The following PRAG1 variants were observed in gnomAD, a reference collection of about 807,000 sequenced individuals.
PRAG1 encodes the protein PEAK1 related, kinase-activating pseudokinase 1.
A neutral mutation model predicts 95.6 loss-of-function variants in PRAG1; 110 were observed. The ratio of observed to expected loss-of-function variants is 1.15; its 90% CI spans 0.99 to 1.35. The LOEUF (loss-of-function observed/expected upper bound fraction) is 1.35, where lower values mean the gene tolerates loss of function less well. Among genes scored for constraint, PRAG1 ranks in the 40% most tolerant of loss-of-function variants. The probability of loss-of-function intolerance (pLI) is 0.00; values close to 1 mark genes in which losing one functional copy is unlikely to be tolerated. For missense variants in PRAG1, 2,554 were observed against 1,864.7 expected, an observed-to-expected ratio of 1.37 and a Z score of -6.81; for synonymous variants, 1,052 against 819.4, an observed-to-expected ratio of 1.28 and a Z score of -4.85.
intron 4 of PRAG1, among the ~76,000 whole-genome samples, chr8:8,335,065 C>T (rs537893693): frequency 3.4e-5 from 5 of 147,878 alleles, no homozygotes; most frequent in African/African-American, 5.0e-5. Flanking sequence ...GACTCTGTCT[C>T]GAAAAAAAAA....
chr8:8,377,377 G>A lies in PRAG1; in HGVS notation c.1032C>T (p.Gly344=), dbSNP rs908955196. The A allele has an allele frequency of 2.0e-6, 3 of 1,527,112 alleles. No individual in the cohort carries two copies. The highest frequency in any genetic ancestry group is 1.2e-5 in the South Asian group (1 of 84,882). The allele number at this position is 1,527,112 out of a possible 1,614,324, so 94.6% of individuals were successfully genotyped here. Residue 344 remains glycine, a synonymous_variant, in exon 3 of 6, where the codon GGC becomes GGT. Transcript: ENST00000615670. Reference sequence around the variant, plus strand: ...CGCCGCTGCCGCTGCCGCTGCCGCTGCCACAAGAGAGGCCGTCGGAAGAAA... The same window carrying A: ...CGCCGCTGCCGCTGCCGCTGCCGCTACCACAAGAGAGGCCGTCGGAAGAAA... ...AAISSDGLSC[G]SGSGSGSGAS...
chr8:8,367,065 C>G (rs1317713121), intron 3 of PRAG1, among the ~76,000 whole-genome samples: 1 of 152,124 alleles, frequency 6.6e-6, no homozygotes, highest in African/African-American at 2.4e-5. Flanking sequence ...CACCTCCCTA[C>G]AACCTGCAGA....
intron 3 of PRAG1, among the ~76,000 whole-genome samples, chr8:8,370,211 C>T (rs1010159741): frequency 1.4e-4 from 21 of 152,240 alleles, no homozygotes; most frequent in African/African-American, 5.1e-4. Flanking sequence ...TCCCTGCTTA[C>T]AGCATTATGA....
rs150414214 is a variant in PRAG1 at position 8,368,037 on chromosome 8, T to A, written c.2162+8210A>T. ...AAGAGCTTTCTACACCTCAGGAACA[T>A]AAAGTAATATCACCACCAGCTATTT... On this transcript the variant is annotated intron_variant, in intron 3 of 5. Coordinates refer to ENST00000615670, the MANE Select transcript of PRAG1 (RefSeq NM_001080826.3). 9.2e-3 allele frequency among the ~76,000 whole-genome samples: 1,403 copies of A among 152,252 alleles called. 22 individuals carry two copies. The highest frequency in any genetic ancestry group is 0.032 in the African/African-American group (1,340 of 41,524).
chr8:8,352,681 C>G (rs1264269464), intron 3 of PRAG1, among the ~76,000 whole-genome samples: 1 of 152,174 alleles, frequency 6.6e-6, no homozygotes, highest in African/African-American at 2.4e-5. Context: ...TAGTTTTTCC[C>G]TTCATCTCTA....
intron 3 of PRAG1, chr8:8,374,544 A>T (rs907643607): frequency 1.6e-6 from 1 of 642,800 alleles, no homozygotes; most frequent in African/African-American, 2.0e-5. Flanking sequence ...GGGGCTGGCA[A>T]TTCCTACCTC....
At chr8:8,333,336 G>A (rs151109196) in intron 4 of PRAG1, among the ~76,000 whole-genome samples, 2 of 152,272 alleles carry the variant, frequency 1.3e-5, no homozygotes, top group East Asian at 3.9e-4. Context: ...TGGCTATAGA[G>A]TACAACACGC....
At chr8:8,362,706 T>A (rs1011919828) in intron 3 of PRAG1, among the ~76,000 whole-genome samples, 5 of 152,222 alleles carry the variant, frequency 3.3e-5, no homozygotes, top group Non-Finnish European at 1.5e-5. Flanking sequence ...GAAAGGGTAC[T>A]GCCCATCAGC....
intron 4 of PRAG1, among the ~76,000 whole-genome samples, chr8:8,330,349 G>C (rs565752315): frequency 1.3e-5 from 2 of 152,318 alleles, no homozygotes; most frequent in African/African-American, 4.8e-5. Context: ...CTGGGCTATA[G>C]AGTGAGACTG....
Position 8,318,393 on chromosome 8 carries a change from GGCACTGCA to G in PRAG1, c.3974_3981del (p.Leu1325ProfsTer120). On this transcript the variant is annotated frameshift_variant, in exon 6 of 6. Transcript: ENST00000615670. LOFTEE classifies it high-confidence loss of function. This position sits in a 1 kb window ranked among gnomAD's most constrained non-coding sequence, Gnocchi z 4.2. ...AGCTCGCGCCGAGGCCCCCACAGCA[GGCACTGCA>G]GCACGCGCTTGGCCTCGCCGATGCG... 1 of 1,613,460 alleles carries G rather than the reference GGCACTGCA, an allele frequency of 6.2e-7. No homozygotes were observed. The highest frequency in any genetic ancestry group is 8.5e-7 in the Non-Finnish European group (1 of 1,179,698).
intron 3 of PRAG1, among the ~76,000 whole-genome samples, chr8:8,362,329 A>G (rs1237520886): frequency 2.0e-5 from 3 of 152,046 alleles, no homozygotes; most frequent in Non-Finnish European, 4.4e-5. Flanking sequence ...ATTCACACAC[A>G]CTTTCAACTT....
At chr8:8,343,991 T>G (rs1799253252) in intron 3 of PRAG1, among the ~76,000 whole-genome samples, 1 of 152,114 alleles carries the variant, frequency 6.6e-6, no homozygotes, top group Non-Finnish European at 1.5e-5. Context: ...TATTGTCACT[T>G]TAAGCAGTAA....
At chr8:8,366,350 G>T (rs982379924) in intron 3 of PRAG1, among the ~76,000 whole-genome samples, 2 of 135,372 alleles carry the variant, frequency 1.5e-5, no homozygotes, top group East Asian at 2.1e-4. Flanking sequence ...TTTCACTCTT[G>T]TCATCCAGGC....
intron 3 of PRAG1, among the ~76,000 whole-genome samples, chr8:8,369,816 T>G (rs1800132243): frequency 6.6e-6 from 1 of 152,118 alleles, no homozygotes; most frequent in Non-Finnish European, 1.5e-5. Flanking sequence ...AGCTTACCTT[T>G]GTGTTCCCTA....
Position 8,376,292 on chromosome 8 carries a change from C to A in PRAG1, c.2117G>T (p.Ser706Ile). ...AGGAGGTGAGAATGTCTCAATCCCA[C>A]TTCTGTCCTTGGGGAACTCAAAGGC... The part of the protein sequence containing the change: ...SFAFEFPKDR[S>I]GIETFSPPPP... The change falls in exon 3 of 6, where the codon AGT becomes ATT. Residue 706 changes from serine (S) to isoleucine (I), a missense_variant. Transcript: ENST00000615670. 6.2e-7 allele frequency: 1 copy of A among 1,614,202 alleles called. No homozygotes were observed. Among genetic ancestry groups the A allele is most frequent in the South Asian group, 1.1e-5 (1 of 91,080 alleles).
chr8:8,354,951 A>G (rs112903883), intron 3 of PRAG1, among the ~76,000 whole-genome samples: 45 of 152,294 alleles, frequency 3.0e-4, no homozygotes, highest in African/African-American at 1.0e-3. Flanking sequence ...AAAGAAATAA[A>G]AGGCATCCAA....
intron 1 of PRAG1, among the ~76,000 whole-genome samples, chr8:8,383,639 C>T (rs6993072): frequency 0.014 from 2,121 of 152,174 alleles, 37 homozygotes; most frequent in African/African-American, 0.049. Flanking sequence ...TAAATAAATC[C>T]TCTGAAATAA....
In PRAG1 at chr8:8,319,063, C is replaced by T; in HGVS notation, c.3312G>A (p.Val1104=). The change falls in exon 6 of 6, where the codon GTG becomes GTA. Residue 1104 remains valine (V), a synonymous_variant. Transcript: ENST00000615670. Reference sequence around the variant, plus strand: ...CCTGGTGGCTGGCCGCCGAGTCCCGCACGAAGTCGGAGGCGGTCTGATGTG... The same window carrying T: ...CCTGGTGGCTGGCCGCCGAGTCCCGTACGAAGTCGGAGGCGGTCTGATGTG... ...EVPHQTASDF[V]RDSAASHQAE... 9 of 1,612,186 alleles carry T rather than the reference C, an allele frequency of 5.6e-6. No homozygotes were observed. The highest frequency in any genetic ancestry group is 7.6e-6 in the Non-Finnish European group (9 of 1,179,786).
chr8:8,375,353 G>A (rs12546045), intron 3 of PRAG1, among the ~76,000 whole-genome samples: 54,014 of 151,694 alleles, frequency 0.36, 10,089 homozygotes, highest in East Asian at 0.64. Flanking sequence ...ACAGGCGCCC[G>A]CCACCACGCC....
Sources: gnomAD v4.1 joint callset for allele counts (sites outside exome capture counted in the v4.1 genomes callset) on GRCh38, gnomAD v4.1.1 for gene constraint, Gnocchi (gnomAD v3.1) non-coding constraint, MANE v1.5 for transcripts, NCBI Gene and HGNC (gene_info 2026-07-23, HGNC 2026-07-21) for gene names.